The following PDE6C variants were observed in gnomAD, a reference collection of about 807,000 sequenced individuals.
PDE6C encodes the protein phosphodiesterase 6C.
In PDE6C, 75 loss-of-function variants were observed where a neutral mutation model predicts 113.1. The ratio of observed to expected loss-of-function variants is 0.66; its 90% confidence interval spans 0.55 to 0.80. The LOEUF (loss-of-function observed/expected upper bound fraction) is 0.80. Among genes scored for constraint, PDE6C ranks in the 30% least tolerant of loss-of-function variants. The probability of loss-of-function intolerance (pLI) is 0.00; values close to 1 mark genes in which losing one functional copy is unlikely to be tolerated. For synonymous variants in PDE6C, 375 were observed against 363.7 expected (o/e 1.03, Z -0.35); for missense variants, 912 against 1,038.6 (o/e 0.88, Z 1.67).
chr10:93,635,741 C>T (rs1382275524), intron 10 of PDE6C, 101 bp downstream of exon 10: 7 of 1,248,688 alleles, frequency 5.6e-6, no homozygotes, highest in East Asian at 4.7e-5. Context: ...AAATGGTTTA[C>T]TCCTGGGCTG....
At position 93,640,059 on chromosome 10, in the gene PDE6C, TA is replaced by T; in HGVS notation, c.1483-10del. 1 of 1,614,008 alleles carries T rather than the reference TA, an allele frequency of 6.2e-7. No individual in the cohort carries two copies. The highest frequency in any genetic ancestry group is 8.5e-7 in the Non-Finnish European group (1 of 1,179,892). ...AATGTAATCTGAAACAACCCATCCT[TA>T]TTTCAACAGAAAGAGGACTTGCCAG... On this transcript the variant is annotated splice_polypyrimidine_tract_variant and intron_variant, in intron 11 of 21. Transcript: ENST00000371447.
At chr10:93,663,268 C>G in intron 21 of PDE6C, 90 bp downstream of exon 21, 1 of 1,323,622 alleles carries the variant, frequency 7.6e-7, no homozygotes, top group Non-Finnish European at 1.1e-6. Flanking sequence ...AGAGTCACCA[C>G]AAACAGAAAA....
intron 16 of PDE6C, among the ~76,000 whole-genome samples, chr10:93,656,557 T>G (rs919936364): frequency 1.3e-5 from 2 of 151,532 alleles, no homozygotes; most frequent in Non-Finnish European, 2.9e-5. Flanking sequence ...AAATATTTAT[T>G]TATTATTTAT....
chr10:93,616,196 G>A (rs942466407), intron 1 of PDE6C, among the ~76,000 whole-genome samples: 2 of 152,146 alleles, frequency 1.3e-5, no homozygotes, highest in Non-Finnish European at 2.9e-5. Context: ...GGCAGATCTG[G>A]GGCAATAACT....
At chr10:93,644,153 A>T (rs189913131) in intron 14 of PDE6C, among the ~76,000 whole-genome samples, 267 of 152,328 alleles carry the variant, frequency 1.8e-3, no homozygotes, top group African/African-American at 6.0e-3. Flanking sequence ...TACTACATAG[A>T]TGATGCTGTG....
intron 8 of PDE6C, among the ~76,000 whole-genome samples, chr10:93,633,550 C>T (rs1342408465): frequency 6.6e-6 from 1 of 151,842 alleles, no homozygotes; most frequent in African/African-American, 2.4e-5. Flanking sequence ...GAGAAACACT[C>T]CTAAACTTTT....
chr10:93,631,931 A>G (rs546883903), intron 8 of PDE6C, among the ~76,000 whole-genome samples: 88 of 152,314 alleles, frequency 5.8e-4, no homozygotes, highest in Non-Finnish European at 1.1e-3. Context: ...GTATTATCTC[A>G]CAGTTCTGGA....
intron 7 of PDE6C, among the ~76,000 whole-genome samples, chr10:93,627,255 C>T (rs1460510130): frequency 4.3e-5 from 2 of 46,526 alleles, no homozygotes; most frequent in South Asian, 5.6e-4. Context: ...AAGTGAAACT[C>T]CACAAAAAAA....
chr10:93,651,431 G>A (rs2058609247), intron 15 of PDE6C, among the ~76,000 whole-genome samples: 1 of 152,190 alleles, frequency 6.6e-6, no homozygotes, highest in South Asian at 2.1e-4. Flanking sequence ...AGCAAGGCAT[G>A]TCTTACATGG....
intron 8 of PDE6C, among the ~76,000 whole-genome samples, chr10:93,631,131 G>T (rs1482226903): frequency 1.3e-5 from 2 of 152,236 alleles, no homozygotes; most frequent in African/African-American, 4.8e-5. Context: ...TGCTCTCATG[G>T]CCTGGGCAGA....
chr10:93,620,725 G>C lies in PDE6C; in HGVS notation c.574G>C (p.Ala192Pro), dbSNP rs749422574. Residue 192 changes from alanine (A) to proline (P), a missense_variant, in exon 2 of 22, where the codon GCT becomes CCT. Transcript: ENST00000371447. ...GATCGTGGTGGGCAAGGAGGTTCTT[G>C]CTGTGATCATGGCAGTTAACAAAGT... ...TPIVVGKEVL[A>P]VIMAVNKVNA... 6.2e-7 allele frequency: 1 copy of C among 1,614,196 alleles called. No homozygotes were observed. Among genetic ancestry groups the C allele is most frequent in the South Asian group, 1.1e-5 (1 of 91,082 alleles).
At chr10:93,631,291 C>T (rs1205215640) in intron 8 of PDE6C, among the ~76,000 whole-genome samples, 2 of 152,186 alleles carry the variant, frequency 1.3e-5, no homozygotes, top group Non-Finnish European at 2.9e-5. Flanking sequence ...GAAGTGTAGC[C>T]GTGCAATGGC....
chr10:93,612,671 G>A lies in PDE6C; in HGVS notation c.-55G>A, dbSNP rs2058396979. ...ATTTCCTTCTCATCACTCTGCCTCA[G>A]GTAGTGCTCTGAAGGTCGTCCTTTC... On this transcript the variant is annotated 5_prime_UTR_variant, in exon 1 of 22. Transcript: ENST00000371447. 3 of 1,611,084 alleles carry A rather than the reference G, an allele frequency of 1.9e-6. No homozygotes were observed. In the Admixed American group the frequency reaches 5.0e-5, roughly 27 times the overall value.
rs74496411 is a variant in PDE6C, at chr10:93,656,434, G to A, written c.2036+574G>A. Among the ~76,000 whole-genome samples the A allele has an allele frequency of 9.7e-3, 1,475 of 152,176 alleles. 16 individuals carry two copies. Among genetic ancestry groups the A allele is most frequent in the East Asian group, 0.041 (211 of 5,174 alleles). On this transcript the variant is annotated intron_variant, in intron 16 of 21. Transcript: ENST00000371447. ...CCAGTATCTCCACATTTTCTCATAA[G>A]TGAACTATAAAGTTGCTTGATGAAA...
intron 10 of PDE6C, among the ~76,000 whole-genome samples, chr10:93,635,986 G>A (rs1177963297): frequency 6.6e-6 from 1 of 152,224 alleles, no homozygotes; most frequent in Admixed American, 6.5e-5. Context: ...GTGTCATGCA[G>A]TAATGAACCT....
chr10:93,645,639 A>C (rs2058580373), intron 14 of PDE6C, among the ~76,000 whole-genome samples: 1 of 152,150 alleles, frequency 6.6e-6, no homozygotes, highest in African/African-American at 2.4e-5. Context: ...GGGCCTCCAC[A>C]TGTTTGCTAT....
At chr10:93,653,620 G>T (rs928660292) in intron 15 of PDE6C, among the ~76,000 whole-genome samples, 2 of 151,358 alleles carry the variant, frequency 1.3e-5, no homozygotes, top group Non-Finnish European at 2.9e-5. Context: ...CTCCAGCCTG[G>T]GCAACAGAGT....
chr10:93,619,435 C>CT (rs1280164546), intron 1 of PDE6C, among the ~76,000 whole-genome samples: 2 of 151,876 alleles, frequency 1.3e-5, no homozygotes, highest in Non-Finnish European at 2.9e-5. Context: ...TTTTCTTTTT[C>CT]TTTTTTTTGA....
intron 15 of PDE6C, among the ~76,000 whole-genome samples, chr10:93,654,549 G>A (rs2058623938): frequency 6.6e-6 from 1 of 152,164 alleles, no homozygotes; most frequent in East Asian, 1.9e-4. Flanking sequence ...GGACAGTATT[G>A]TTTTTGGCAT....
Sources: gnomAD v4.1 joint callset for allele counts (sites outside exome capture counted in the v4.1 genomes callset) on GRCh38, gnomAD v4.1.1 for gene constraint, MANE v1.5 for transcripts, NCBI Gene and HGNC (gene_info 2026-07-23, HGNC 2026-07-21) for gene names.